Variants in SLC26A7 observed in about 807,000 individuals in gnomAD.
The protein encoded by SLC26A7 is anion exchange transporter.
In SLC26A7, 59 loss-of-function variants were observed where a neutral mutation model predicts 82.5. The observed-to-expected ratio is 0.72, with a 90% CI of 0.58 to 0.89. The LOEUF is 0.89. Among genes scored for constraint, SLC26A7 ranks in the 40% least tolerant of loss-of-function variants. The pLI, the probability that SLC26A7 is intolerant of heterozygous loss-of-function variation, is 0.00. For synonymous variants in SLC26A7, 271 were observed against 274.3 expected (o/e 0.99, Z 0.12); for missense variants, 820 against 793.0 (o/e 1.03, Z -0.41).
rs58981485 is a variant in SLC26A7, at chr8:91,316,451, A to ATTTTT, written c.478-1730_478-1726dup. On this transcript the variant is annotated intron_variant, in intron 4 of 18. Transcript: ENST00000276609. ...GAACTCGCTGCCACACTCAACACTAATTTTTTTTTTTTTTTTTTTTTTTTT... is the reference window on the plus strand; with the variant it reads ...GAACTCGCTGCCACACTCAACACTAATTTTTTTTTTTTTTTTTTTTTTTTTTTTTT... Among the ~76,000 whole-genome samples the ATTTTT allele has an allele frequency of 9.3e-4, 32 of 34,424 alleles. 4 individuals carry two copies. The highest frequency in any genetic ancestry group is 1.4e-3 in the Non-Finnish European group (26 of 18,848). The allele number at this position is 34,424 out of a possible 152,430, so 22.6% of individuals were successfully genotyped here.
At chr8:91,271,739 C>T (rs190231210) in intron 2 of SLC26A7, among the ~76,000 whole-genome samples, 8 of 152,064 alleles carry the variant, frequency 5.3e-5, no homozygotes, top group South Asian at 2.1e-4. Context: ...GGACTACAGG[C>T]GCCTGCCACC....
intron 4 of SLC26A7, among the ~76,000 whole-genome samples, chr8:91,300,966 T>A (rs1046243944): frequency 2.0e-5 from 3 of 152,246 alleles, no homozygotes; most frequent in Non-Finnish European, 4.4e-5. Context: ...AAATGTTGAA[T>A]ATTGCTGAAG....
chr8:91,356,347 A>G, intron 11 of SLC26A7, among the ~76,000 whole-genome samples: 1 of 152,082 alleles, frequency 6.6e-6, no homozygotes, highest in Non-Finnish European at 1.5e-5. Context: ...TCCCACCAAC[A>G]GTGTAAAAGT....
intron 2 of SLC26A7, among the ~76,000 whole-genome samples, chr8:91,233,312 A>C (rs575863267): frequency 6.6e-6 from 1 of 152,184 alleles, no homozygotes; most frequent in Non-Finnish European, 1.5e-5. Flanking sequence ...CATGCCTGTA[A>C]TCCCAGCACT....
Position 91,316,988 on chromosome 8 carries a change from T to TAAAAAAAAAAAAA in SLC26A7, c.478-1207_478-1195dup, listed in dbSNP as rs61581659. The stretch of plus-strand genomic sequence containing the variant: ...GGGCAACACAGTGAGACCCTGTCTC[T>TAAAAAAAAAAAAA]AAAAAAAAAAAAAAAAAAAAAAAAA... On this transcript the variant is annotated intron_variant, in intron 4 of 18. Coordinates refer to ENST00000276609, the MANE Select transcript of SLC26A7 (RefSeq NM_052832.4). Among the ~76,000 whole-genome samples, 5 of 15,538 alleles carry TAAAAAAAAAAAAA rather than the reference T, an allele frequency of 3.2e-4. 1 individual carries two copies. Among genetic ancestry groups the TAAAAAAAAAAAAA allele is most frequent in the Non-Finnish European group, 4.4e-4 (3 of 6,846 alleles). The allele number at this position is 15,538 out of a possible 152,430, so 10.2% of individuals were successfully genotyped here. A position where few individuals can be genotyped will look rare whatever the true frequency, so the allele number is the denominator to read the frequency against.
At position 91,366,685 on chromosome 8, in the gene SLC26A7, G is replaced by A. The variant is rs377097824; in HGVS notation, c.1594G>A (p.Ala532Thr). ...AATGAACATGATCCAAAAGGAAAAT[G>A]CCTGTAATCAGCCACTTGATGATAT... ...DLMNMIQKENACNQPLDDISK... is the reference protein window; with the variant it reads ...DLMNMIQKENTCNQPLDDISK... Residue 532 changes from alanine to threonine, a missense_variant, in exon 14 of 19, where the codon GCC (alanine) becomes ACC (threonine). Ala to Thr is a moderately conservative substitution (Grantham distance 58, BLOSUM62 0). Coordinates refer to ENST00000276609, the MANE Select transcript of SLC26A7 (RefSeq NM_052832.4). 9.3e-6 allele frequency: 15 copies of A among 1,613,036 alleles called. No homozygotes were observed. Among genetic ancestry groups the A allele is most frequent in the East Asian group, 2.2e-5 (1 of 44,800 alleles).
Position 91,318,256 on chromosome 8 carries a change from TGGTCACAGAGCCTGTGA to T in SLC26A7, c.519_535del (p.Val174GlnfsTer42). The stretch of plus-strand genomic sequence containing the variant: ...CTGCAACTGGGCAGTGCCACATTTG[TGGTCACAGAGCCTGTGA>T]TCAGCGCAATGACAACTGGGGCTGC... On this transcript the variant is annotated frameshift_variant, in exon 5 of 19. Coordinates refer to ENST00000276609, the MANE Select transcript of SLC26A7 (RefSeq NM_052832.4). LOFTEE classifies it high-confidence loss of function. 6.2e-7 allele frequency: 1 copy of T among 1,606,782 alleles called. No individual in the cohort carries two copies. The highest frequency in any genetic ancestry group is 8.5e-7 in the Non-Finnish European group (1 of 1,176,198).
chr8:91,253,610 AG>A (rs749520886), intron 2 of SLC26A7, among the ~76,000 whole-genome samples: 1 of 152,160 alleles, frequency 6.6e-6, no homozygotes, highest in South Asian at 2.1e-4. Context: ...ATGTCCTATT[AG>A]ATCATTAATA....
intron 1 of SLC26A7, among the ~76,000 whole-genome samples, chr8:91,211,766 A>G (rs1208785447): frequency 6.6e-6 from 1 of 151,830 alleles, no homozygotes; most frequent in African/African-American, 2.4e-5. Context: ...GATAATGCCA[A>G]AGTCTAGTTG....
At position 91,397,136 on chromosome 8, in the gene SLC26A7, CA is replaced by C. The variant is rs1808592055; in HGVS notation, c.*2041del. On this transcript the variant is annotated 3_prime_UTR_variant, in exon 19 of 19. Transcript: ENST00000276609. The stretch of plus-strand genomic sequence containing the variant: ...AGTTTAGTGGATAAAACTTTAAGTC[CA>C]ATAACTTGGGGGTCAAATGCTAATG... 1 of 151,916 alleles carries C rather than the reference CA, an allele frequency of 6.6e-6. No homozygotes were observed. The highest frequency in any genetic ancestry group is 2.1e-4 in the South Asian group (1 of 4,834). 9.4% of individuals were successfully genotyped at this position (151,916 alleles called of 1,614,324 possible).
chr8:91,226,784 TC>T (rs1361914772), intron 2 of SLC26A7, among the ~76,000 whole-genome samples: 2 of 152,258 alleles, frequency 1.3e-5, no homozygotes, highest in Non-Finnish European at 1.5e-5. Context: ...AGGGCCTGAA[TC>T]AGACAAGGTA....
intron 4 of SLC26A7, among the ~76,000 whole-genome samples, chr8:91,308,207 C>A (rs1327854137): frequency 6.6e-6 from 1 of 151,294 alleles, no homozygotes; most frequent in African/African-American, 2.4e-5. Flanking sequence ...GATGTTTTTA[C>A]CATGATTAGA....
At chr8:91,318,128 A>G in intron 4 of SLC26A7, 88 bp from the exon 5 acceptor site, 1 of 1,126,020 alleles carries the variant, frequency 8.9e-7, no homozygotes, top group Non-Finnish European at 1.3e-6. Flanking sequence ...CTATCAAATG[A>G]AAATGAGAAT....
upstream of SLC26A7, among the ~76,000 whole-genome samples, chr8:91,245,314 C>T (rs1239261849): frequency 6.6e-6 from 1 of 152,030 alleles, no homozygotes; most frequent in Non-Finnish European, 1.5e-5. Context: ...TTTTTCTAGG[C>T]CTTTTAATTT....
chr8:91,318,534 G>A (rs545627805), intron 5 of SLC26A7, among the ~76,000 whole-genome samples, 154 bp downstream of exon 5: 1 of 152,166 alleles, frequency 6.6e-6, no homozygotes, highest in South Asian at 2.1e-4. Context: ...CTTAAGGTAT[G>A]CAACTAATTT....
At position 91,329,298 on chromosome 8, in the gene SLC26A7, C is replaced by A. The variant is rs144533289; in HGVS notation, c.643-4997C>A. On this transcript the variant is annotated intron_variant, in intron 5 of 18. Coordinates refer to ENST00000276609, the MANE Select transcript of SLC26A7 (RefSeq NM_052832.4). ...TTCCTGTCTCTTTTTCCATATGCCACCCATGTATCATGAGCCTGTTTTAGC... is the reference window on the plus strand; with the variant it reads ...TTCCTGTCTCTTTTTCCATATGCCAACCATGTATCATGAGCCTGTTTTAGC... Among the ~76,000 whole-genome samples the A allele has an allele frequency of 1.4e-4, 22 of 152,250 alleles. No individual in the cohort carries two copies. In the East Asian group the frequency reaches 4.2e-3, roughly 29 times the overall value.
In SLC26A7 at chr8:91,214,098, T is replaced by C. The variant is rs541460416; in HGVS notation, c.-150+4556T>C. 9.2e-5 allele frequency among the ~76,000 whole-genome samples: 14 copies of C among 152,186 alleles called. No homozygotes were observed. The East Asian group carries it at 2.7e-3, about 29-fold the overall frequency. On this transcript the variant is annotated intron_variant, in intron 1 of 5. Transcript: ENST00000522862. ...GTTGAAGTTTGAAGAGAAGAGAAGC[T>C]GAAGATAAGAGGCTAGTTAGAGTGG...
intron 15 of SLC26A7, among the ~76,000 whole-genome samples, chr8:91,376,251 G>A (rs145378136): frequency 2.2e-4 from 34 of 152,208 alleles, no homozygotes; most frequent in African/African-American, 8.2e-4. Flanking sequence ...AGAATCAATT[G>A]CTAGAAAGTT....
intron 2 of SLC26A7, among the ~76,000 whole-genome samples, chr8:91,238,249 G>T (rs976309064): frequency 6.6e-6 from 1 of 151,908 alleles, no homozygotes; most frequent in Non-Finnish European, 1.5e-5. Flanking sequence ...TGATCATCCT[G>T]GGGCTGGCAG....
Sources: gnomAD v4.1 joint callset for allele counts (sites outside exome capture counted in the v4.1 genomes callset) on GRCh38, gnomAD v4.1.1 for gene constraint, MANE v1.5 for transcripts, NCBI Gene and HGNC (gene_info 2026-07-23, HGNC 2026-07-21) for gene names.